Variants in CLCN6 observed in about 807,000 individuals in gnomAD.
CLCN6 encodes H(+)/Cl(-) exchange transporter 6.
CLCN6 carries 70 observed loss-of-function variants against 109.8 expected under a neutral mutation model. The observed-to-expected ratio is 0.64, with a 90% CI of 0.53 to 0.78. CLCN6 has a LOEUF of 0.78. CLCN6 is among the 30% of genes least tolerant of loss of function. The pLI is 0.00. For synonymous variants in CLCN6, 444 were observed against 447.8 expected (o/e 0.99, Z 0.11); for missense variants, 984 against 1,142.3 (o/e 0.86, Z 2.00).
At chr1:11,807,591 T>C (rs1402072408) in intron 2 of CLCN6, among the ~76,000 whole-genome samples, 4 of 152,264 alleles carry the variant, frequency 2.6e-5, no homozygotes, top group Non-Finnish European at 2.9e-5. Context: ...GATATTTTCT[T>C]GCTCAAGCAG....
At position 11,838,607 on chromosome 1, in the gene CLCN6, C is replaced by T; in HGVS notation, c.2476C>T (p.Leu826=). Residue 826 remains leucine, a synonymous_variant, in exon 22 of 23, where the codon CTG becomes TTG. Transcript: ENST00000346436. ...CACCCACGTCTCCCAAGTCTTCAAC[C>T]TGTTCAGAACGATGGGCCTGCGCCA... ...PNTHVSQVFN[L]FRTMGLRHLP... is the part of the protein sequence containing the mutation. 2.5e-6 allele frequency: 4 copies of T among 1,614,206 alleles called. No homozygotes were observed. Among genetic ancestry groups the T allele is most frequent in the Non-Finnish European group, 3.4e-6 (4 of 1,180,022 alleles).
chr1:11,830,737 T>TATTATA (rs1359328796), intron 13 of CLCN6, among the ~76,000 whole-genome samples: 2 of 91,112 alleles, frequency 2.2e-5, no homozygotes, highest in African/African-American at 8.0e-5. Flanking sequence ...TATGTATATA[T>TATTATA]TATATATATA....
intron 22 of CLCN6, among the ~76,000 whole-genome samples, chr1:11,839,567 C>G (rs536227764): frequency 6.6e-6 from 1 of 152,356 alleles, no homozygotes; most frequent in South Asian, 2.1e-4. Context: ...CGGCCTCAGT[C>G]TTTTCTTCTA....
At chr1:11,811,225 C>T (rs946409937) in intron 2 of CLCN6, among the ~76,000 whole-genome samples, 1 of 151,914 alleles carries the variant, frequency 6.6e-6, no homozygotes, top group African/African-American at 2.4e-5. Flanking sequence ...AAAAGGGATT[C>T]TGGTGTTCTA....
rs761028473 is a variant in CLCN6 at position 11,827,204 on chromosome 1, G to A, written c.823G>A (p.Gly275Arg). ...LEEGSSFWNQ[G>R]LTWKVLFCSM... Reference sequence around the variant, plus strand: ...GGAGGGTTCGTCCTTCTGGAACCAAGGGCTCACGTGGAAAGTGGTGAGGAG... The same window carrying A: ...GGAGGGTTCGTCCTTCTGGAACCAAAGGCTCACGTGGAAAGTGGTGAGGAG... Residue 275 changes from glycine (G) to arginine (R), a missense_variant, in exon 10 of 23, where the codon GGG (glycine) becomes AGG (arginine). Coordinates refer to ENST00000346436, the MANE Select transcript of CLCN6 (RefSeq NM_001286.5). 14 of 1,612,284 alleles carry A rather than the reference G, an allele frequency of 8.7e-6. No homozygotes were observed. The South Asian group carries it at 1.3e-4, about 15-fold the overall frequency.
rs759941293 is a variant in CLCN6, at chr1:11,827,103, T to G, written c.722T>G (p.Phe241Cys). Residue 241 changes from phenylalanine to cysteine, a missense_variant, in exon 10 of 23, where the codon TTT (phenylalanine) becomes TGT (cysteine). Coordinates refer to ENST00000346436, the MANE Select transcript of CLCN6 (RefSeq NM_001286.5). ...YFRSDRDKRD[F>C]VSAGAAAGVA... ...CCTCTCCTCAGAGACAAGAGAGACT[T>G]TGTATCAGCAGGAGCGGCTGCTGGA... 58 of 1,613,790 alleles carry G rather than the reference T, an allele frequency of 3.6e-5. No individual in the cohort carries two copies. Among genetic ancestry groups the G allele is most frequent in the Non-Finnish European group, 4.8e-5 (57 of 1,179,890 alleles).
chr1:11,831,135 T>TTA lies in CLCN6; in HGVS notation c.1248+1823_1248+1824dup, dbSNP rs772315290. 3.1e-4 allele frequency among the ~76,000 whole-genome samples: 47 copies of TTA among 150,648 alleles called. 2 individuals are homozygous for TTA. Among genetic ancestry groups the TTA allele is most frequent in the Middle Eastern group, 6.9e-3 (2 of 290 alleles). On this transcript the variant is annotated intron_variant, in intron 13 of 22. Transcript: ENST00000346436. Reference sequence around the variant, plus strand: ...GGTGTGTCACCACGCCCAGCCTGGTTTATATATATATGTTTTTGTTTTTGT... The same window carrying TTA: ...GGTGTGTCACCACGCCCAGCCTGGTTTATATATATATATGTTTTTGTTTTTGT...
At chr1:11,835,416 C>T (rs140153484) in intron 17 of CLCN6, among the ~76,000 whole-genome samples, 4,060 of 152,190 alleles carry the variant, frequency 0.027, 168 homozygotes, top group African/African-American at 0.091. Context: ...GGATCACAGG[C>T]GCGTGCCACC....
chr1:11,833,363 G>T, intron 13 of CLCN6, 152 bp from the exon 14 acceptor site: 4 of 643,066 alleles, frequency 6.2e-6, no homozygotes, highest in Non-Finnish European at 5.5e-6. Context: ...ACACTTGCCC[G>T]TGTGGCTGCC....
At chr1:11,837,615 G>C (rs1431425076) in intron 20 of CLCN6, 116 bp downstream of exon 20, 18 of 1,041,758 alleles carry the variant, frequency 1.7e-5, no homozygotes, top group Non-Finnish European at 2.5e-5. Flanking sequence ...AAGGCGAGAA[G>C]TGCAGAGTGG....
At chr1:11,806,737 C>G in intron 1 of CLCN6, 1 of 350,418 alleles carries the variant, frequency 2.9e-6, no homozygotes, top group Non-Finnish European at 5.2e-6. Flanking sequence ...TTCTGGGTCA[C>G]TGACAGTCCA....
In CLCN6 at chr1:11,843,070, T is replaced by C. The variant is rs1295819751; in HGVS notation, c.*2847T>C. 1 of 152,250 alleles carries C rather than the reference T, an allele frequency of 6.6e-6. No homozygotes were observed. Among genetic ancestry groups the C allele is most frequent in the Admixed American group, 6.5e-5 (1 of 15,294 alleles). The allele number at this position is 152,250 out of a possible 1,614,324, so 9.4% of individuals were successfully genotyped here. A position where few individuals can be genotyped will look rare whatever the true frequency, so the allele number is the denominator to read the frequency against. On this transcript the variant is annotated 3_prime_UTR_variant, in exon 23 of 23. Transcript: ENST00000346436. The stretch of plus-strand genomic sequence containing the variant: ...GTAAAATGCTATTTTTATTTGAACC[T>C]TTGGAACTTGGGAGTTCTCATTGTA...
intron 13 of CLCN6, among the ~76,000 whole-genome samples, chr1:11,831,394 A>G (rs1389591089): frequency 6.6e-6 from 1 of 152,076 alleles, no homozygotes; most frequent in Non-Finnish European, 1.5e-5. Flanking sequence ...TGACCTTGTG[A>G]TCCGCCCACC....
Position 11,823,829 on chromosome 1 carries a change from T to C in CLCN6, c.576T>C (p.Ala192=). 1.9e-6 allele frequency: 3 copies of C among 1,614,256 alleles called. No individual in the cohort carries two copies. The highest frequency in any genetic ancestry group is 1.7e-6 in the Non-Finnish European group (2 of 1,180,036). Reference sequence around the variant, plus strand: ...TCCTTGGAGTGCTGTTCAGTGTGGCTGGAGGTAAGAAGGGTCCAACTTGTA... The same window carrying C: ...TCCTTGGAGTGCTGTTCAGTGTGGCCGGAGGTAAGAAGGGTCCAACTTGTA... ...CKVLGVLFSV[A]GGLFVEKEGP... is the part of the protein sequence containing the mutation. The change falls in exon 7 of 23, where the codon GCT becomes GCC. Residue 192 remains alanine (A), a synonymous_variant. Transcript: ENST00000346436.
At chr1:11,823,634 G>A (rs1030670076) in intron 6 of CLCN6, 73 bp from the exon 7 acceptor site, 84 of 1,603,078 alleles carry the variant, frequency 5.2e-5, no homozygotes, top group African/African-American at 1.1e-4. Context: ...CTCTTCCGCC[G>A]CCCAGATTGT....
At chr1:11,807,002 G>T in intron 1 of CLCN6, 129 bp from the exon 2 acceptor site, 5 of 787,646 alleles carry the variant, frequency 6.3e-6, no homozygotes, top group Admixed American at 2.5e-5. Flanking sequence ...GGTTTTTTTT[G>T]AGGGCTGGTT....
Position 11,828,531 on chromosome 1 carries a change from T to C in CLCN6, c.1028T>C (p.Ile343Thr), listed in dbSNP as rs778058594. 43 of 1,614,012 alleles carry C rather than the reference T, an allele frequency of 2.7e-5. No individual in the cohort carries two copies. Among genetic ancestry groups the C allele is most frequent in the Admixed American group, 1.0e-4 (6 of 59,996 alleles). The change falls in exon 12 of 23, where the codon ATT becomes ACT. Residue 343 changes from isoleucine (I) to threonine (T), a missense_variant. Physicochemically the swap from Ile to Thr is moderately conservative, Grantham distance 89. Coordinates refer to ENST00000346436, the MANE Select transcript of CLCN6 (RefSeq NM_001286.5). ...GGTTTCTTCGTCGTGATGGGGGTCA[T>C]TGGGGGCCTCCTGGGAGCCACATTC... ...DLGFFVVMGV[I>T]GGLLGATFNC...
At chr1:11,824,086 A>G (rs1644781181) in intron 7 of CLCN6, among the ~76,000 whole-genome samples, 2 of 152,264 alleles carry the variant, frequency 1.3e-5, no homozygotes, top group Non-Finnish European at 2.9e-5. Flanking sequence ...AAAATTAGCA[A>G]GCTTTTTGTG....
rs1644916989 is a variant in CLCN6 at position 11,834,233 on chromosome 1, T to C, written c.1527-3T>C. On this transcript the variant is annotated splice_polypyrimidine_tract_variant and splice_region_variant and intron_variant, in intron 15 of 22. Transcript: ENST00000346436. This position sits in a 1 kb window ranked among gnomAD's most constrained non-coding sequence, Gnocchi z 4.5. ...CCATGTTCTCGGTGTTTTCCTTCAC[T>C]AGCTACATTGGATTGGGCCACATCT... 3.7e-6 allele frequency: 6 copies of C among 1,610,382 alleles called. No homozygotes were observed. Among genetic ancestry groups the C allele is most frequent in the South Asian group, 1.1e-5 (1 of 90,856 alleles).
Sources: gnomAD v4.1 joint callset for allele counts (sites outside exome capture counted in the v4.1 genomes callset) on GRCh38, gnomAD v4.1.1 for gene constraint, Gnocchi (gnomAD v3.1) non-coding constraint, MANE v1.5 for transcripts, NCBI Gene and HGNC (gene_info 2026-07-23, HGNC 2026-07-21) for gene names.